The following FLT4 variants were observed in gnomAD, a reference collection of about 807,000 sequenced individuals.
The protein encoded by FLT4 is vascular endothelial growth factor receptor 3.
FLT4 carries 30 observed loss-of-function variants against 163.2 expected under a neutral mutation model. The observed-to-expected ratio is 0.18, with a 90% confidence interval of 0.14 to 0.25. The LOEUF is 0.25. FLT4 is among the 10% of genes least tolerant of loss of function. The pLI is 1.00. For synonymous variants in FLT4, 884 were observed against 789.5 expected, an observed-to-expected ratio of 1.12 and a Z score of -2.01; for missense variants, 1,510 against 1,863.8, an observed-to-expected ratio of 0.81 and a Z score of 3.50.
chr5:180,614,697 C>T (rs1455248048), intron 23 of FLT4, among the ~76,000 whole-genome samples: 1 of 144,110 alleles, frequency 6.9e-6, no homozygotes, highest in Non-Finnish European at 1.6e-5. Flanking sequence ...CAGGGCCCTT[C>T]TGGACTGGCC....
At chr5:180,649,815 G>A (rs1765658997), upstream of FLT4, among the ~76,000 whole-genome samples, 1 of 152,008 alleles carries the variant, frequency 6.6e-6, no homozygotes, top group African/African-American at 2.4e-5. Context: ...TAACGCAGAC[G>A]GTCTCGCGAT....
intron 1 of FLT4, among the ~76,000 whole-genome samples, chr5:180,642,016 G>A (rs1343244066): frequency 1.3e-5 from 2 of 152,102 alleles, no homozygotes; most frequent in African/African-American, 4.8e-5. Flanking sequence ...AGACCATCCT[G>A]GCCAACATGG....
intron 29 of FLT4, among the ~76,000 whole-genome samples, chr5:180,604,920 T>C (rs1395569548): frequency 6.6e-6 from 1 of 152,250 alleles, no homozygotes; most frequent in African/African-American, 2.4e-5. Context: ...AGTCTGCTCA[T>C]ACATATTGTC....
chr5:180,626,071 C>T (rs1763581724), intron 9 of FLT4, 40 bp from the exon 10 acceptor site: 1 of 1,612,576 alleles, frequency 6.2e-7, no homozygotes, highest in Admixed American at 1.7e-5. Context: ...GCCTCCAATG[C>T]CAGGCCGCCC....
rs144951481 is a variant in FLT4 at position 180,614,753 on chromosome 5, C to T, written c.3220-574G>A. Among the ~76,000 whole-genome samples the T allele has an allele frequency of 4.3e-3, 661 of 152,232 alleles. 4 individuals are homozygous for T. The highest frequency in any genetic ancestry group is 0.015 in the African/African-American group (629 of 41,532). On this transcript the variant is annotated intron_variant, in intron 23 of 29. Transcript: ENST00000261937. ...CCCACTCCCCTCTCTTCCCAGCTTA[C>T]GGCATAAGGGAGGTTTTTGTAACTG... is the stretch of plus-strand genomic sequence containing the variant.
chr5:180,638,122 C>A (rs1162268483), intron 1 of FLT4, among the ~76,000 whole-genome samples: 1 of 152,184 alleles, frequency 6.6e-6, no homozygotes, highest in Non-Finnish European at 1.5e-5. Context: ...GCCCAACACA[C>A]AGTGCTGGCC....
chr5:180,624,331 A>G lies in FLT4; in HGVS notation c.1422-270T>C, dbSNP rs534097246. ...AACCTCCGCCTCCTGGGTTCAAGCG[A>G]TTCTCCTGCCTCAGCCTCCCAAGTA... On this transcript the variant is annotated intron_variant, in intron 10 of 29. Coordinates refer to ENST00000261937, the MANE Select transcript of FLT4 (RefSeq NM_182925.5). Among the ~76,000 whole-genome samples, 7 of 150,820 alleles carry G rather than the reference A, an allele frequency of 4.6e-5. 1 individual carries two copies. In the South Asian group the frequency reaches 1.5e-3, roughly 32 times the overall value.
In FLT4 at chr5:180,602,321, C is replaced by T; in HGVS notation, c.*871G>A. ...AGACCGGCAGCTCCAGACCCAGGCT[C>T]CTCGGAGTCTGGGCCAGGTGGGAGA... On this transcript the variant is annotated 3_prime_UTR_variant, in exon 30 of 30. Transcript: ENST00000261937. The T allele has an allele frequency of 3.5e-6, 1 of 284,552 alleles. No homozygotes were observed. 17.6% of individuals were successfully genotyped at this position (284,552 alleles called of 1,614,324 possible).
rs747701670 is a variant in FLT4 at position 180,630,799 on chromosome 5, C to T, written c.156G>A (p.Arg52=). Residue 52 remains arginine (R), a splice_region_variant and synonymous_variant, in exon 3 of 30, where the codon AGG becomes AGA. Transcript: ENST00000261937. This position sits in a 1 kb window ranked among gnomAD's most constrained non-coding sequence, Gnocchi z 6.3. ...AAGCCCACTCGAGGGGGTGCTGTCC[C>T]CTGGCAGAGGACAGGAGTGGTCAGG... ...DTGDSLSISC[R]GQHPLEWAWP... is the part of the protein sequence containing the mutation. 3 of 1,601,246 alleles carry T rather than the reference C, an allele frequency of 1.9e-6. No individual in the cohort carries two copies. In the East Asian group the frequency reaches 6.7e-5, roughly 36 times the overall value.
chr5:180,623,852 G>GA lies in FLT4; in HGVS notation c.1548+82_1548+83insT. On this transcript the variant is annotated intron_variant, in intron 11 of 29. Transcript: ENST00000261937. This position sits in a 1 kb window ranked among gnomAD's most constrained non-coding sequence, Gnocchi z 5.8. ...GCTCTGCCCAGCACTCTGGAAGCCA[G>GA]GTGGAAACCACATGGCAGTAATGGC... 6.4e-7 allele frequency: 1 copy of GA among 1,559,946 alleles called. No individual in the cohort carries two copies. Among genetic ancestry groups the GA allele is most frequent in the Admixed American group, 1.7e-5 (1 of 59,874 alleles).
chr5:180,627,656 G>A (rs918732231), intron 8 of FLT4, among the ~76,000 whole-genome samples: 1 of 152,262 alleles, frequency 6.6e-6, no homozygotes, highest in Admixed American at 6.5e-5. Flanking sequence ...AAGAGAGCCA[G>A]ATGTGGCAGG....
intron 8 of FLT4, among the ~76,000 whole-genome samples, chr5:180,627,298 A>G (rs1763697787): frequency 6.6e-6 from 1 of 152,100 alleles, no homozygotes; most frequent in Non-Finnish European, 1.5e-5. Flanking sequence ...ACATCACAGC[A>G]GGGGCCCGGG....
At chr5:180,626,955 C>G (rs75792558) in intron 8 of FLT4, among the ~76,000 whole-genome samples, 4 of 152,356 alleles carry the variant, frequency 2.6e-5, no homozygotes, top group African/African-American at 9.6e-5. Context: ...GTGGCCTGCC[C>G]CTGCCTTGCT....
chr5:180,618,427 C>T (rs1169766317), intron 21 of FLT4, among the ~76,000 whole-genome samples: 4 of 141,742 alleles, frequency 2.8e-5, no homozygotes, highest in African/African-American at 1.0e-4. Flanking sequence ...CACCCACGTC[C>T]TACTCCAGAG....
intron 26 of FLT4, among the ~76,000 whole-genome samples, chr5:180,612,139 C>T (rs1351042709): frequency 4.6e-5 from 7 of 152,156 alleles, no homozygotes; most frequent in Non-Finnish European, 7.3e-5. Flanking sequence ...GTCAAGGGTC[C>T]GTGTGTTCAG....
Position 180,619,775 on chromosome 5 carries a change from G to A in FLT4, c.2543-6C>T. 2 of 1,603,838 alleles carry A rather than the reference G, an allele frequency of 1.2e-6. No homozygotes were observed. The highest frequency in any genetic ancestry group is 1.7e-6 in the Non-Finnish European group (2 of 1,172,514). On this transcript the variant is annotated splice_polypyrimidine_tract_variant and splice_region_variant and intron_variant, in intron 17 of 29. Transcript: ENST00000261937. The stretch of plus-strand genomic sequence containing the variant: ...GCCGTAGCCGAGCACTCTCCCTGTC[G>A]GGGCAGGGGGCCAGTTGCAGGTGAG...
intron 7 of FLT4, 51 bp downstream of exon 7, chr5:180,629,208 C>T (rs1763888798): frequency 1.2e-6 from 2 of 1,608,182 alleles, no homozygotes; most frequent in Non-Finnish European, 1.7e-6. Context: ...GCACCGTGAG[C>T]TCTGGGCCCA....
chr5:180,623,957 T>G lies in FLT4; in HGVS notation c.1526A>C (p.Glu509Ala), dbSNP rs769584370. 1 of 1,613,532 alleles carries G rather than the reference T, an allele frequency of 6.2e-7. No individual in the cohort carries two copies. The highest frequency in any genetic ancestry group is 8.5e-7 in the Non-Finnish European group (1 of 1,179,972). Residue 509 changes from glutamate to alanine, a missense_variant, in exon 11 of 30, where the codon GAG becomes GCG. Physicochemically the swap from Glu to Ala is moderately radical, Grantham distance 107. This residue lies in a region of FLT4 where 878 missense variants were observed against 1,016.7 expected (regional missense o/e 0.86). Transcript: ENST00000261937. This position sits in a 1 kb window ranked among gnomAD's most constrained non-coding sequence, Gnocchi z 5.8. ...TACCTTATTCTTTCCCTCCACAAAC[T>G]CGGTCCAGGTGTCCAGGCTCTCGAT... ...NPIESLDTWT[E>A]FVEGKNKTVS...
At chr5:180,609,675 T>A in intron 28 of FLT4, 1 of 522,658 alleles carries the variant, frequency 1.9e-6, no homozygotes, top group East Asian at 3.5e-5. Context: ...TCTGCGCTGC[T>A]GAGGAGGGGA....
Sources: allele counts gnomAD v4.1 joint callset (sites outside exome capture counted in the v4.1 genomes callset), GRCh38; gene constraint gnomAD v4.1.1; regional missense constraint gnomAD v4.1.1; non-coding constraint Gnocchi (gnomAD v3.1); transcripts MANE v1.5; gene names NCBI Gene and HGNC (gene_info 2026-07-23, HGNC 2026-07-21).